GRAMD4: variants seen among roughly 807,000 people sequenced by gnomAD.
GRAMD4 encodes GRAM domain containing 4.
A neutral mutation model predicts 83.9 loss-of-function variants in GRAMD4; 25 were observed. The ratio of observed to expected loss-of-function variants is 0.30; its 90% CI spans 0.22 to 0.42. The LOEUF is 0.42. GRAMD4 is among the 10% of genes least tolerant of loss of function. The pLI, the probability that GRAMD4 is intolerant of heterozygous loss-of-function variation, is 1.00. For missense variants in GRAMD4, 593 were observed against 788.7 expected, an observed-to-expected ratio of 0.75 and a Z score of 2.97; for synonymous variants, 336 against 320.9, an observed-to-expected ratio of 1.05 and a Z score of -0.50.
chr22:46,639,118 A>G (rs9627522), intron 3 of GRAMD4, among the ~76,000 whole-genome samples: 2,132 of 151,662 alleles, frequency 0.014, 57 homozygotes, highest in African/African-American at 0.048. Context: ...CTGTGTGCTC[A>G]TGTTTGTGTG....
At chr22:46,637,625 G>A (rs1383509389) in intron 2 of GRAMD4, among the ~76,000 whole-genome samples, 1 of 152,332 alleles carries the variant, frequency 6.6e-6, no homozygotes, top group East Asian at 1.9e-4. Flanking sequence ...TCCCCACAGA[G>A]GAGGCTGGGT....
chr22:46,648,935 C>CATGGATGGATGGATGG (rs57053112), intron 3 of GRAMD4, among the ~76,000 whole-genome samples: 2 of 45,498 alleles, frequency 4.4e-5, no homozygotes, highest in Non-Finnish European at 4.4e-5. Flanking sequence ...TGGATGGATG[C>CATGGATGGATGGATGG]ATGGATGGAT....
chr22:46,644,381 TCCCTGTTCCAGGTTACACCTGC>T (rs1569284878), intron 3 of GRAMD4, among the ~76,000 whole-genome samples: 5 of 152,194 alleles, frequency 3.3e-5, no homozygotes, highest in Admixed American at 2.0e-4. Context: ...GTTACACCTG[TCCCTGTTCCAGGTTACACCTGC>T]CCCTGTTCCA....
chr22:46,613,948 C>T (rs1363726078), intron 1 of GRAMD4, among the ~76,000 whole-genome samples: 1 of 152,210 alleles, frequency 6.6e-6, no homozygotes, highest in Non-Finnish European at 1.5e-5. Flanking sequence ...GTTCACGGAG[C>T]CCTGTGCCCT....
upstream of GRAMD4, among the ~76,000 whole-genome samples, chr22:46,618,876 A>G (rs940875530): frequency 1.3e-5 from 2 of 152,196 alleles, no homozygotes; most frequent in African/African-American, 2.4e-5. The surrounding 1 kb of genome is among the most constrained non-coding windows in gnomAD (Gnocchi z 5.8). Context: ...GCTGGTGGAC[A>G]CGGTGCCATC....
chr22:46,676,780 A>G (rs1050669074), intron 18 of GRAMD4, 112 bp downstream of exon 18: 14 of 988,068 alleles, frequency 1.4e-5, no homozygotes, highest in Non-Finnish European at 2.1e-5. Flanking sequence ...TTTGGGCAGC[A>G]GGGTCACAAA....
chr22:46,632,241 C>T (rs1349768880), intron 2 of GRAMD4, among the ~76,000 whole-genome samples: 1 of 152,088 alleles, frequency 6.6e-6, no homozygotes, highest in Non-Finnish European at 1.5e-5. Flanking sequence ...AGACAGGTAA[C>T]TGTGTGGCTG....
chr22:46,577,048 G>T (rs528852786), upstream of GRAMD4: 2 of 146,402 alleles, frequency 1.4e-5, no homozygotes, highest in South Asian at 2.0e-4. Context: ...GGTGCGGCGC[G>T]GGGCGGGGCG....
intron 3 of GRAMD4, among the ~76,000 whole-genome samples, chr22:46,648,919 G>C (rs1290437739): frequency 1.7e-4 from 23 of 138,802 alleles, no homozygotes; most frequent in African/African-American, 6.5e-4. Flanking sequence ...TGGATGGATG[G>C]ATGGATGGAT....
At chr22:46,614,499 G>A (rs964353248) in intron 1 of GRAMD4, among the ~76,000 whole-genome samples, 2 of 152,186 alleles carry the variant, frequency 1.3e-5, no homozygotes, top group African/African-American at 2.4e-5. Context: ...CACAGGTGGC[G>A]TTCCCCTGCA....
At chr22:46,663,746 G>A in intron 6 of GRAMD4, 92 bp from the exon 7 acceptor site, 1 of 1,252,838 alleles carries the variant, frequency 8.0e-7, no homozygotes, top group Non-Finnish European at 1.2e-6. Context: ...GTCCTCCCTG[G>A]CCCCTGCAGA....
Position 46,672,562 on chromosome 22 carries a change from TG to T in GRAMD4, c.1085-274del, listed in dbSNP as rs1277010892. ...GGAGAGAGAAGTGAGGGGCATTGGA[TG>T]GGGGGGTCCTAGCAGAGCTGAGGGG... is the stretch of plus-strand genomic sequence containing the variant. On this transcript the variant is annotated intron_variant, in intron 13 of 18. Coordinates refer to ENST00000406902, the MANE Select transcript of GRAMD4 (RefSeq NM_015124.5). This position sits in a 1 kb window ranked among gnomAD's most constrained non-coding sequence, Gnocchi z 4.7. Among the ~76,000 whole-genome samples the T allele has an allele frequency of 3.5e-5, 3 of 85,680 alleles. No individual in the cohort carries two copies. Among genetic ancestry groups the T allele is most frequent in the Admixed American group, 1.3e-4 (1 of 7,468 alleles). The allele number at this position is 85,680 out of a possible 152,430, so 56.2% of individuals were successfully genotyped here.
At position 46,643,036 on chromosome 22, in the gene GRAMD4, G is replaced by A. The variant is rs1382927598; in HGVS notation, c.283+5076G>A. 3.2e-4 allele frequency among the ~76,000 whole-genome samples: 7 copies of A among 21,628 alleles called. No individual in the cohort carries two copies. The East Asian group carries it at 5.0e-3, about 15-fold the overall frequency. The allele number at this position is 21,628 out of a possible 152,430, so 14.2% of individuals were successfully genotyped here. The stretch of plus-strand genomic sequence containing the variant: ...CCATCCCTGGATCCATCCATCCCTG[G>A]ATCCATCCGTCCATCCACCCACCTA... On this transcript the variant is annotated intron_variant, in intron 3 of 18. Coordinates refer to ENST00000406902, the MANE Select transcript of GRAMD4 (RefSeq NM_015124.5).
chr22:46,599,007 C>A (rs1052867847), intron 1 of GRAMD4, among the ~76,000 whole-genome samples: 2 of 152,086 alleles, frequency 1.3e-5, no homozygotes, highest in Non-Finnish European at 2.9e-5. Context: ...CAGCTCAGTG[C>A]CCTGCAGCAC....
intron 1 of GRAMD4, among the ~76,000 whole-genome samples, chr22:46,614,183 G>A (rs887121548): frequency 4.6e-5 from 7 of 152,214 alleles, no homozygotes; most frequent in African/African-American, 1.4e-4. Context: ...TTACTATTGC[G>A]TGTGCTGCCG....
rs113214926 is a variant in GRAMD4 at position 46,645,402 on chromosome 22, A to G, written c.283+7442A>G. Reference sequence around the variant, plus strand: ...ACTGTGGCCATCTCTGCCTCGCCTGACCTGCAGGAGGGCGTGCTGACATGG... The same window carrying G: ...ACTGTGGCCATCTCTGCCTCGCCTGGCCTGCAGGAGGGCGTGCTGACATGG... On this transcript the variant is annotated intron_variant, in intron 3 of 18. Coordinates refer to ENST00000406902, the MANE Select transcript of GRAMD4 (RefSeq NM_015124.5). 2.8e-3 allele frequency among the ~76,000 whole-genome samples: 432 copies of G among 152,248 alleles called. 3 individuals carry two copies. Among genetic ancestry groups the G allele is most frequent in the African/African-American group, 9.8e-3 (408 of 41,554 alleles).
upstream of GRAMD4, among the ~76,000 whole-genome samples, chr22:46,616,485 G>A (rs188649455): frequency 3.2e-3 from 408 of 128,970 alleles, 1 homozygote; most frequent in African/African-American, 0.011. Context: ...TGTGCGTGTC[G>A]GTTCCCCCGT....
At chr22:46,590,357 C>T (rs1398262313) in intron 1 of GRAMD4, among the ~76,000 whole-genome samples, 2 of 152,158 alleles carry the variant, frequency 1.3e-5, no homozygotes, top group Non-Finnish European at 2.9e-5. Context: ...CTGGGGACCT[C>T]TCCCAGTGTC....
intron 17 of GRAMD4, 148 bp from the exon 18 acceptor site, chr22:46,676,452 C>CAAA: frequency 3.0e-6 from 2 of 659,912 alleles, no homozygotes; most frequent in Non-Finnish European, 5.3e-6. Flanking sequence ...GTCCACAGGC[C>CAAA]CTTACCTTCT....
Sources: allele counts gnomAD v4.1 joint callset (sites outside exome capture counted in the v4.1 genomes callset), GRCh38; gene constraint gnomAD v4.1.1; non-coding constraint Gnocchi (gnomAD v3.1); transcripts MANE v1.5; gene names NCBI Gene and HGNC (gene_info 2026-07-23, HGNC 2026-07-21).